The following ZNF469 variants were observed in gnomAD, a reference collection of about 807,000 sequenced individuals.
ZNF469 encodes the protein zinc finger protein 469.
A neutral mutation model predicts 1.0 loss-of-function variants in ZNF469; 1 was observed. The ratio of observed to expected loss-of-function variants is 1.00; its 90% CI spans 0.35 to 4.73. The LOEUF is 4.73. Ranked by LOEUF, ZNF469 falls within the 30% of genes most tolerant of loss-of-function variation. ZNF469 has a pLI of 0.16. For missense variants in ZNF469, 6,100 were observed against 5,356.3 expected (o/e 1.14, Z -4.33); for synonymous variants, 2,703 against 2,363.4 (o/e 1.14, Z -4.17).
chr16:88,278,609 G>T, the ZNF469 span, among the ~76,000 whole-genome samples: 1 of 131,486 alleles, frequency 7.6e-6, no homozygotes, highest in African/African-American at 2.6e-5. Flanking sequence ...GCTGACACTC[G>T]GTCAGTACCG....
chr16:88,171,121 G>A, the ZNF469 span, among the ~76,000 whole-genome samples: 1 of 152,182 alleles, frequency 6.6e-6, no homozygotes. Context: ...AAATAACAAG[G>A]TAGGCATTTA....
chr16:88,122,569 CACT>C, the ZNF469 span, among the ~76,000 whole-genome samples: 1 of 151,990 alleles, frequency 6.6e-6, no homozygotes, highest in Non-Finnish European at 1.5e-5. Flanking sequence ...CTCTGTCACT[CACT>C]ACGGCCACGG....
the ZNF469 span, among the ~76,000 whole-genome samples, chr16:88,283,479 C>T: frequency 2.2e-4 from 34 of 152,174 alleles, no homozygotes; most frequent in African/African-American, 6.7e-4. Flanking sequence ...AAGAGTAAAA[C>T]GTCAACAACT....
the ZNF469 span, among the ~76,000 whole-genome samples, chr16:88,197,494 T>C: frequency 6.6e-6 from 1 of 152,236 alleles, no homozygotes. Flanking sequence ...CCCAAGGGAA[T>C]GTGGGCCAAG....
At chr16:88,229,419 C>T in the ZNF469 span, among the ~76,000 whole-genome samples, 2 of 152,352 alleles carry the variant, frequency 1.3e-5, no homozygotes, top group South Asian at 4.1e-4. Flanking sequence ...GAAAAAGAGG[C>T]TGCACGAGGT....
chr16:88,253,447 A>G, the ZNF469 span, among the ~76,000 whole-genome samples: 1 of 151,286 alleles, frequency 6.6e-6, no homozygotes. Context: ...CTGATGACTG[A>G]TGATGTGGAC....
chr16:88,331,300 CCAT>C, the ZNF469 span, among the ~76,000 whole-genome samples: 3 of 150,594 alleles, frequency 2.0e-5, no homozygotes, highest in African/African-American at 4.9e-5. Flanking sequence ...ACCACCATCA[CCAT>C]CATTATCATC....
At chr16:88,386,855 T>C (rs1041641948) in intron 1 of ZNF469, among the ~76,000 whole-genome samples, 1 of 151,244 alleles carries the variant, frequency 6.6e-6, no homozygotes, top group African/African-American at 2.5e-5. Context: ...TGAAGTAGCC[T>C]TGAGGTGGCT....
the ZNF469 span, among the ~76,000 whole-genome samples, chr16:88,133,183 C>T: frequency 2.0e-5 from 3 of 152,240 alleles, no homozygotes; most frequent in Admixed American, 6.5e-5. Context: ...GGAAGGCGGG[C>T]ACTGAAACAG....
the ZNF469 span, among the ~76,000 whole-genome samples, chr16:88,132,871 C>T: frequency 6.6e-6 from 1 of 152,206 alleles, no homozygotes; most frequent in African/African-American, 2.4e-5. Context: ...ATAAACAGGT[C>T]AGCTGAGGGC....
chr16:88,170,103 C>G, the ZNF469 span, among the ~76,000 whole-genome samples: 1 of 152,216 alleles, frequency 6.6e-6, no homozygotes, highest in Admixed American at 6.5e-5. The surrounding 1 kb of genome is among the most constrained non-coding windows in gnomAD (Gnocchi z 4.2). Flanking sequence ...GTCACTTAAC[C>G]TCTCTCAGCC....
At chr16:88,117,541 G>C in the ZNF469 span, among the ~76,000 whole-genome samples, 2 of 65,458 alleles carry the variant, frequency 3.1e-5, no homozygotes, top group African/African-American at 1.5e-4. Flanking sequence ...ACTCAGGCCA[G>C]TTTATACCTG....
upstream of ZNF469, among the ~76,000 whole-genome samples, chr16:88,381,022 A>G (rs2092522018): frequency 6.8e-6 from 1 of 147,758 alleles, no homozygotes; most frequent in African/African-American, 2.5e-5. Flanking sequence ...GCGCTCACAG[A>G]CATGCACTCA....
At chr16:88,399,635 A>T (rs1343240234) in intron 1 of ZNF469, among the ~76,000 whole-genome samples, 3 of 152,150 alleles carry the variant, frequency 2.0e-5, no homozygotes, top group African/African-American at 7.2e-5. Context: ...AATCACCTAA[A>T]ACCAAACATT....
At chr16:88,246,049 G>A in the ZNF469 span, among the ~76,000 whole-genome samples, 7,853 of 152,174 alleles carry the variant, frequency 0.052, 192 homozygotes, top group African/African-American at 0.18. Flanking sequence ...AGGTCAGCCA[G>A]TGCTCAAAGG....
the ZNF469 span, among the ~76,000 whole-genome samples, chr16:88,125,470 A>C: frequency 6.6e-6 from 1 of 152,266 alleles, no homozygotes; most frequent in African/African-American, 2.4e-5. Flanking sequence ...TTTCTACAAA[A>C]ATAGCCTGCA....
rs1054270904 is a variant in ZNF469, at chr16:88,435,896, C to T, written c.8426C>T (p.Pro2809Leu). The part of the protein sequence containing the change: ...PLGFPETSSS[P>L]ADSTTSSCLQ... ...GGTTTTCCCGAGACTTCCAGCTCTC[C>T]GGCGGACAGCACCACCAGCAGCTGC... Residue 2809 changes from proline to leucine, a missense_variant, in exon 3 of 3, where the codon CCG becomes CTG. By Grantham distance (98) the Pro-to-Leu change is moderately conservative (BLOSUM62 -3). Transcript: ENST00000565624. 36 of 1,550,120 alleles carry T rather than the reference C, an allele frequency of 2.3e-5. No individual in the cohort carries two copies. The highest frequency in any genetic ancestry group is 3.3e-4 in the Middle Eastern group (2 of 5,988).
the ZNF469 span, among the ~76,000 whole-genome samples, chr16:88,136,795 C>T: frequency 8.5e-5 from 13 of 152,228 alleles, no homozygotes; most frequent in African/African-American, 3.1e-4. Context: ...CGAGCGTGCC[C>T]AGTACAGGGC....
the ZNF469 span, among the ~76,000 whole-genome samples, chr16:88,293,599 T>C: frequency 6.6e-6 from 1 of 152,176 alleles, no homozygotes; most frequent in African/African-American, 2.4e-5. Flanking sequence ...TCTAGAAAGT[T>C]CTCCCACCTG....
Sources: gnomAD v4.1 joint callset for allele counts (sites outside exome capture counted in the v4.1 genomes callset) on GRCh38, gnomAD v4.1.1 for gene constraint, Gnocchi (gnomAD v3.1) non-coding constraint, MANE v1.5 for transcripts, NCBI Gene and HGNC (gene_info 2026-07-23, HGNC 2026-07-21) for gene names.